LRFN2: variants seen among roughly 807,000 people sequenced by gnomAD.
The protein encoded by LRFN2 is leucine-rich repeat and fibronectin type-III domain-containing protein 2.
LRFN2 carries 18 observed loss-of-function variants against 37.3 expected under a neutral mutation model. The ratio of observed to expected loss-of-function variants is 0.48; its 90% CI spans 0.33 to 0.72. The LOEUF (loss-of-function observed/expected upper bound fraction) is 0.72. LRFN2 is among the 30% of genes least tolerant of loss of function. LRFN2 has a pLI of 0.02. For synonymous variants in LRFN2, 556 were observed against 466.6 expected, an observed-to-expected ratio of 1.19 and a Z score of -2.47; for missense variants, 1,006 against 1,060.7, an observed-to-expected ratio of 0.95 and a Z score of 0.72.
chr6:40,574,462 A>G (rs987745207), intron 1 of LRFN2, among the ~76,000 whole-genome samples: 8 of 152,166 alleles, frequency 5.3e-5, no homozygotes, highest in Admixed American at 5.2e-4. Flanking sequence ...TGTTAATAAG[A>G]AAAGCAACAG....
chr6:40,522,062 G>A (rs973395930), intron 1 of LRFN2, among the ~76,000 whole-genome samples: 2 of 152,172 alleles, frequency 1.3e-5, no homozygotes, highest in Non-Finnish European at 2.9e-5. Flanking sequence ...CAGCCAGAGA[G>A]GATGGGTCCT....
intron 1 of LRFN2, among the ~76,000 whole-genome samples, chr6:40,486,420 T>C (rs1292143901): frequency 6.6e-6 from 1 of 152,158 alleles, no homozygotes; most frequent in Non-Finnish European, 1.5e-5. Context: ...CCCTGAGCCC[T>C]GGAGTACAGA....
chr6:40,471,307 G>C (rs536027049), intron 1 of LRFN2, among the ~76,000 whole-genome samples: 2 of 152,190 alleles, frequency 1.3e-5, no homozygotes, highest in Admixed American at 1.3e-4. Flanking sequence ...TGGGAAGATG[G>C]ATGGCTCTAG....
At chr6:40,460,365 G>T (rs758462270) in intron 1 of LRFN2, among the ~76,000 whole-genome samples, 41 of 152,086 alleles carry the variant, frequency 2.7e-4, no homozygotes, top group Non-Finnish European at 5.4e-4. Flanking sequence ...TCCCAGACCC[G>T]GATTTGCATG....
chr6:40,548,755 C>T (rs114880593), intron 1 of LRFN2, among the ~76,000 whole-genome samples: 1,546 of 152,278 alleles, frequency 0.01, 34 homozygotes, highest in African/African-American at 0.035. Context: ...TGTATTCTCT[C>T]TCCCTTTAGA....
At chr6:40,534,950 G>T (rs1766422367) in intron 1 of LRFN2, among the ~76,000 whole-genome samples, 1 of 152,206 alleles carries the variant, frequency 6.6e-6, no homozygotes, top group South Asian at 2.1e-4. Flanking sequence ...GCTGGAACCA[G>T]CTGGAACCAC....
At chr6:40,477,978 G>C (rs988536449) in intron 1 of LRFN2, among the ~76,000 whole-genome samples, 2 of 152,232 alleles carry the variant, frequency 1.3e-5, no homozygotes, top group Admixed American at 6.5e-5. Context: ...TGGTAAACCT[G>C]TTTGTGGCTT....
At chr6:40,462,463 T>A (rs1053426218) in intron 1 of LRFN2, among the ~76,000 whole-genome samples, 1 of 152,124 alleles carries the variant, frequency 6.6e-6, no homozygotes, top group African/African-American at 2.4e-5. Context: ...ATAGCCTCCC[T>A]TCCCTAAGTC....
intron 1 of LRFN2, among the ~76,000 whole-genome samples, chr6:40,492,685 A>G (rs1187769147): frequency 6.6e-6 from 1 of 152,116 alleles, no homozygotes; most frequent in Non-Finnish European, 1.5e-5. Context: ...GCATCACTGC[A>G]TGGCAGCCAG....
intron 1 of LRFN2, among the ~76,000 whole-genome samples, chr6:40,575,665 A>G (rs35364623): frequency 0.063 from 9,547 of 152,196 alleles, 356 homozygotes; most frequent in African/African-American, 0.075. Context: ...TGTGAGGACA[A>G]GAATGCCTCT....
chr6:40,441,298 C>T (rs943558475), intron 1 of LRFN2, among the ~76,000 whole-genome samples: 5 of 152,030 alleles, frequency 3.3e-5, no homozygotes, highest in African/African-American at 4.8e-5. Context: ...GGGGTGTGAA[C>T]GCGGAGGCTA....
At chr6:40,565,513 C>T (rs1767071269) in intron 1 of LRFN2, among the ~76,000 whole-genome samples, 1 of 152,222 alleles carries the variant, frequency 6.6e-6, no homozygotes, top group Non-Finnish European at 1.5e-5. Flanking sequence ...ACCAAAACAG[C>T]ATGGTATTGG....
chr6:40,478,976 A>T (rs572495234), intron 1 of LRFN2, among the ~76,000 whole-genome samples: 3 of 152,346 alleles, frequency 2.0e-5, no homozygotes, highest in African/African-American at 7.2e-5. Flanking sequence ...GTACAAAATT[A>T]TACTCTGAGG....
At chr6:40,520,432 G>A (rs1183947586) in intron 1 of LRFN2, among the ~76,000 whole-genome samples, 1 of 152,096 alleles carries the variant, frequency 6.6e-6, no homozygotes, top group African/African-American at 2.4e-5. Flanking sequence ...TCTGGGGCTG[G>A]AGCAGGGAAA....
At chr6:40,488,460 AG>A (rs1561875618) in intron 1 of LRFN2, among the ~76,000 whole-genome samples, 1 of 151,814 alleles carries the variant, frequency 6.6e-6, no homozygotes, top group Non-Finnish European at 1.5e-5. Flanking sequence ...CTATCCTCCA[AG>A]CCTCCCTCCT....
chr6:40,396,473 A>G (rs1489533519), intron 2 of LRFN2, among the ~76,000 whole-genome samples: 1 of 152,124 alleles, frequency 6.6e-6, no homozygotes, highest in Non-Finnish European at 1.5e-5. Context: ...TGATGAAGCC[A>G]CATCCTAATG....
At chr6:40,571,586 C>T (rs1283465027) in intron 1 of LRFN2, among the ~76,000 whole-genome samples, 2 of 152,170 alleles carry the variant, frequency 1.3e-5, no homozygotes, top group African/African-American at 2.4e-5. Flanking sequence ...TTCCAGGTGG[C>T]GCTGGGTGTT....
At position 40,431,872 on chromosome 6, in the gene LRFN2, G is replaced by GC; in HGVS notation, c.1241dup (p.Gly415ArgfsTer16). Reference sequence around the variant, plus strand: ...CCGGGGGGCTTTTGGGAGGCTCTCCGCCCCCACTGCCTCCACCTCCCCGGC... The same window carrying GC: ...CCGGGGGGCTTTTGGGAGGCTCTCCGCCCCCCACTGCCTCCACCTCCCCGGC... On this transcript the variant is annotated frameshift_variant, in exon 2 of 3. Transcript: ENST00000338305. LOFTEE classifies it high-confidence loss of function. 1 of 1,601,590 alleles carries GC rather than the reference G, an allele frequency of 6.2e-7. No homozygotes were observed. Among genetic ancestry groups the GC allele is most frequent in the Non-Finnish European group, 8.5e-7 (1 of 1,172,544 alleles).
At chr6:40,455,641 T>G (rs532426203) in intron 1 of LRFN2, among the ~76,000 whole-genome samples, 1 of 152,346 alleles carries the variant, frequency 6.6e-6, no homozygotes, top group East Asian at 1.9e-4. Context: ...GGATTTACCA[T>G]GCAGCAGCAG....
Sources: gnomAD v4.1 joint callset for allele counts (sites outside exome capture counted in the v4.1 genomes callset) on GRCh38, gnomAD v4.1.1 for gene constraint, MANE v1.5 for transcripts, NCBI Gene and HGNC (gene_info 2026-07-23, HGNC 2026-07-21) for gene names.